The following RGS7 variants were observed in gnomAD, a reference collection of about 807,000 sequenced individuals.
RGS7 encodes the protein regulator of G-protein signaling 7.
RGS7 carries 27 observed loss-of-function variants against 81.1 expected under a neutral mutation model. That is an observed-to-expected ratio of 0.33 (90% CI 0.25 to 0.46). The LOEUF is 0.46. Among genes scored for constraint, RGS7 ranks in the 20% least tolerant of loss-of-function variants. The pLI is 1.00. For missense variants in RGS7, 396 were observed against 607.4 expected, an observed-to-expected ratio of 0.65 and a Z score of 3.66; for synonymous variants, 208 against 207.7, an observed-to-expected ratio of 1.00 and a Z score of -0.01.
chr1:241,036,865 G>A (rs1331046356), intron 3 of RGS7, among the ~76,000 whole-genome samples: 1 of 152,136 alleles, frequency 6.6e-6, no homozygotes, highest in South Asian at 2.1e-4. Flanking sequence ...CCTCCAAGGT[G>A]TCAACCTCCA....
At position 241,321,579 on chromosome 1, in the gene RGS7, CA is replaced by C. The variant is rs559633871; in HGVS notation, c.78+34119del. ...CCACATCTTCCAAACTTCTCTTTCT[CA>C]AACCATAGAACACTATCATTTGTGC... On this transcript the variant is annotated intron_variant, in intron 2 of 18. Transcript: ENST00000440928. Among the ~76,000 whole-genome samples, 243 of 152,222 alleles carry C rather than the reference CA, an allele frequency of 1.6e-3. 11 individuals carry two copies. In the South Asian group the frequency reaches 0.049, roughly 31 times the overall value.
At chr1:240,895,976 C>T (rs1042656607) in intron 6 of RGS7, among the ~76,000 whole-genome samples, 1 of 152,174 alleles carries the variant, frequency 6.6e-6, no homozygotes, top group African/African-American at 2.4e-5. Context: ...TAATGATCGC[C>T]ATTCTAACTG....
Position 241,163,528 on chromosome 1 carries a change from C to A in RGS7, c.79-64766G>T, listed in dbSNP as rs1428775314. ...GATCTAGGAAAGATTAACCGACTGT[C>A]GACACCTTTGAAGGTCTGAAAGAAA... On this transcript the variant is annotated intron_variant, in intron 2 of 18. Transcript: ENST00000440928. This position sits in a 1 kb window ranked among gnomAD's most constrained non-coding sequence, Gnocchi z 4.6. Among the ~76,000 whole-genome samples, 1 of 152,040 alleles carries A rather than the reference C, an allele frequency of 6.6e-6. No homozygotes were observed. Among genetic ancestry groups the A allele is most frequent in the Non-Finnish European group, 1.5e-5 (1 of 67,990 alleles).
At chr1:241,312,240 C>G (rs1336005887) in intron 2 of RGS7, among the ~76,000 whole-genome samples, 2 of 152,204 alleles carry the variant, frequency 1.3e-5, no homozygotes, top group African/African-American at 4.8e-5. Flanking sequence ...GAACAAAACA[C>G]AAAAAGGTCA....
At chr1:241,018,329 C>T (rs1002718405) in intron 3 of RGS7, among the ~76,000 whole-genome samples, 1 of 151,716 alleles carries the variant, frequency 6.6e-6, no homozygotes, top group Non-Finnish European at 1.5e-5. Flanking sequence ...TTTTCGCATG[C>T]CTTGTAATTT....
chr1:241,298,545 G>A (rs114627040), intron 2 of RGS7, among the ~76,000 whole-genome samples: 5 of 152,156 alleles, frequency 3.3e-5, no homozygotes, highest in Non-Finnish European at 4.4e-5. Context: ...ATTCCCTGAC[G>A]ACACCTTCTA....
intron 6 of RGS7, among the ~76,000 whole-genome samples, chr1:240,912,638 T>C (rs1671958711): frequency 1.3e-5 from 2 of 152,254 alleles, no homozygotes; most frequent in African/African-American, 4.8e-5. Context: ...CTTCTTTTGC[T>C]GAGTTCAAAT....
chr1:241,317,256 G>A (rs1474265357), intron 2 of RGS7, among the ~76,000 whole-genome samples: 1 of 152,076 alleles, frequency 6.6e-6, no homozygotes, highest in African/African-American at 2.4e-5. Flanking sequence ...TTTGAGTATT[G>A]CTTCCATTTA....
intron 5 of RGS7, among the ~76,000 whole-genome samples, chr1:240,933,860 T>G (rs1319880809): frequency 6.6e-6 from 1 of 152,050 alleles, no homozygotes; most frequent in Non-Finnish European, 1.5e-5. Flanking sequence ...ATCACATGAT[T>G]AAGACATGTA....
intron 3 of RGS7, among the ~76,000 whole-genome samples, chr1:241,055,206 G>T (rs12059938): frequency 0.11 from 17,330 of 152,048 alleles, 1,146 homozygotes; most frequent in African/African-American, 0.18. Context: ...CTTTCAATTC[G>T]GACACTATCT....
chr1:241,135,694 A>G (rs2067457050), intron 2 of RGS7, among the ~76,000 whole-genome samples: 2 of 152,282 alleles, frequency 1.3e-5, no homozygotes, highest in South Asian at 4.1e-4. Context: ...AGAGCTTTGA[A>G]CAAGATGATC....
intron 3 of RGS7, among the ~76,000 whole-genome samples, chr1:241,067,588 C>T (rs547768833): frequency 6.6e-6 from 1 of 151,146 alleles, no homozygotes; most frequent in Admixed American, 6.6e-5. Context: ...GGCACGATCT[C>T]GGCTCACTGC....
intron 16 of RGS7, 33 bp downstream of exon 16, chr1:240,802,871 G>T: frequency 7.4e-7 from 1 of 1,343,436 alleles, no homozygotes; most frequent in Non-Finnish European, 1.1e-6. Flanking sequence ...TGAGAACTAG[G>T]CCAAGAAAAA....
intron 2 of RGS7, among the ~76,000 whole-genome samples, chr1:241,275,336 C>T (rs944459331): frequency 2.1e-4 from 32 of 152,176 alleles, no homozygotes; most frequent in East Asian, 9.6e-4. Context: ...TTTTTCACTC[C>T]GAGGAAAGGT....
chr1:241,305,324 A>G (rs2080022685), intron 2 of RGS7, among the ~76,000 whole-genome samples: 1 of 152,166 alleles, frequency 6.6e-6, no homozygotes, highest in Non-Finnish European at 1.5e-5. Context: ...CAGTTTCTAG[A>G]TGGAGTTTAA....
chr1:241,095,159 A>G (rs1227251535), intron 3 of RGS7, among the ~76,000 whole-genome samples: 1 of 152,174 alleles, frequency 6.6e-6, no homozygotes, highest in Admixed American at 6.5e-5. Flanking sequence ...CAGAGCTCTC[A>G]ATAAAACAAG....
chr1:240,786,895 G>A lies in RGS7; in HGVS notation c.*7-10682C>T, dbSNP rs570104514. Among the ~76,000 whole-genome samples the A allele has an allele frequency of 3.2e-3, 486 of 152,044 alleles. 1 individual carries two copies. Among genetic ancestry groups the A allele is most frequent in the African/African-American group, 0.011 (469 of 41,462 alleles). The stretch of plus-strand genomic sequence containing the variant: ...GTTCTATATTTGACAATTATATAAT[G>A]CAACAAATATTTTTTATATGTGGGA... On this transcript the variant is annotated intron_variant, in intron 18 of 18. Transcript: ENST00000440928.
chr1:241,134,463 A>T (rs976706079), intron 2 of RGS7, among the ~76,000 whole-genome samples: 1 of 152,246 alleles, frequency 6.6e-6, no homozygotes, highest in African/African-American at 2.4e-5. Context: ...TGCAATTATT[A>T]TTGTATACTA....
chr1:241,276,662 C>A (rs1294692951), intron 2 of RGS7, among the ~76,000 whole-genome samples: 1 of 152,168 alleles, frequency 6.6e-6, no homozygotes, highest in East Asian at 1.9e-4. Context: ...TGAGCATCTT[C>A]TCTGATAAAA....
Sources: allele counts gnomAD v4.1 joint callset (sites outside exome capture counted in the v4.1 genomes callset), GRCh38; gene constraint gnomAD v4.1.1; non-coding constraint Gnocchi (gnomAD v3.1); transcripts MANE v1.5; gene names NCBI Gene and HGNC (gene_info 2026-07-23, HGNC 2026-07-21).